The following MAP4 variants were observed in gnomAD, a reference collection of about 807,000 sequenced individuals.
MAP4 encodes the protein microtubule associated protein 4, also known as microtubule-associated protein 4.
MAP4 carries 76 observed loss-of-function variants against 170.2 expected under a neutral mutation model. That is an observed-to-expected ratio of 0.45 (90% CI 0.37 to 0.54). MAP4 has a LOEUF of 0.54. Ranked by LOEUF, MAP4 falls within the 20% of genes least tolerant of loss-of-function variation. The pLI is 0.00. For missense variants in MAP4, 2,506 were observed against 2,748.0 expected (o/e 0.91, Z 1.97); for synonymous variants, 909 against 994.5 (o/e 0.91, Z 1.62).
intron 1 of MAP4, among the ~76,000 whole-genome samples, chr3:48,062,037 G>A (rs1035925073): frequency 2.6e-5 from 4 of 152,230 alleles, no homozygotes; most frequent in African/African-American, 4.8e-5. Flanking sequence ...TGATGAGGAT[G>A]GCGGTTTTGT....
At chr3:48,071,260 G>A (rs1344866867) in intron 1 of MAP4, among the ~76,000 whole-genome samples, 3 of 151,952 alleles carry the variant, frequency 2.0e-5, no homozygotes, top group Non-Finnish European at 4.4e-5. Context: ...GAAATCTGAG[G>A]GCCAGGCACG....
upstream of MAP4, among the ~76,000 whole-genome samples, chr3:48,019,093 T>G (rs546046171): frequency 1.1e-4 from 17 of 152,206 alleles, no homozygotes; most frequent in Non-Finnish European, 2.5e-4. Flanking sequence ...ATCCCAGAAC[T>G]CTGGGAGGCC....
Position 47,915,970 on chromosome 3 carries a change from A to G in MAP4, c.1857T>C (p.Pro619=). The G allele has an allele frequency of 6.2e-7, 1 of 1,612,256 alleles. No individual in the cohort carries two copies. The highest frequency in any genetic ancestry group is 8.5e-7 in the Non-Finnish European group (1 of 1,179,034). Residue 619 remains proline, a synonymous_variant, in exon 7 of 21, where the codon CCT becomes CCC. Transcript: ENST00000683076. Reference sequence around the variant, plus strand: ...ACGTACCTGGTGAAATCATGAAAGTAGGTGCAGCTGACTGCCCCACATCCT... The same window carrying G: ...ACGTACCTGGTGAAATCATGAAAGTGGGTGCAGCTGACTGCCCCACATCCT... ...SLQDVGQSAA[P]TFMISPETVT...
At chr3:48,066,848 T>C (rs2100138515) in intron 1 of MAP4, among the ~76,000 whole-genome samples, 1 of 125,878 alleles carries the variant, frequency 7.9e-6, no homozygotes, top group East Asian at 2.3e-4. Context: ...TTTTTTTTTT[T>C]TTTTTTTTTT....
At chr3:48,012,916 G>A (rs529750736) in intron 1 of MAP4, among the ~76,000 whole-genome samples, 54 of 151,458 alleles carry the variant, frequency 3.6e-4, no homozygotes, top group Admixed American at 1.9e-3. Flanking sequence ...CCCCCTTATG[G>A]AAAATGATCC....
chr3:47,899,461 C>G (rs1358289087), intron 10 of MAP4, among the ~76,000 whole-genome samples: 2 of 152,172 alleles, frequency 1.3e-5, no homozygotes, highest in Admixed American at 1.3e-4. Context: ...GGTCCTATTC[C>G]TACTCACTCA....
At chr3:47,914,588 A>T (rs2100037612) in intron 8 of MAP4, among the ~76,000 whole-genome samples, 1 of 151,738 alleles carries the variant, frequency 6.6e-6, no homozygotes, top group Non-Finnish European at 1.5e-5. Flanking sequence ...CAAAAAAAAC[A>T]GTGGAGAAAA....
At chr3:47,982,873 A>G (rs1196924417) in intron 2 of MAP4, among the ~76,000 whole-genome samples, 4 of 152,190 alleles carry the variant, frequency 2.6e-5, no homozygotes, top group Non-Finnish European at 5.9e-5. Context: ...GGAAATAAAT[A>G]AGATTACATG....
At chr3:47,973,663 G>T (rs2100080158) in intron 3 of MAP4, 1 of 985,236 alleles carries the variant, frequency 1.0e-6, no homozygotes, top group Admixed American at 6.1e-5. Flanking sequence ...GTACACAACG[G>T]AAAGTCATAC....
chr3:47,893,094 G>A (rs2100024937), intron 10 of MAP4, among the ~76,000 whole-genome samples: 1 of 150,920 alleles, frequency 6.6e-6, no homozygotes, highest in Non-Finnish European at 1.5e-5. Flanking sequence ...CTCAGAGGAA[G>A]AGTGGGTTTG....
rs1450563059 is a variant in MAP4 at position 47,916,441 on chromosome 3, C to G, written c.1386G>C (p.Lys462Asn). Residue 462 changes from lysine to asparagine, a missense_variant, in exon 7 of 21, where the codon AAG becomes AAC. Lys to Asn is a moderately conservative substitution (Grantham distance 94, BLOSUM62 0). Coordinates refer to ENST00000683076, the MANE Select transcript of MAP4 (RefSeq NM_001385682.1). ...LPPETNVILT[K>N]DKALPLEAEV... ...CTGCTTCTAAAGGTAGTGCTTTATC[C>G]TTGGTCAAGATCACGTTGGTTTCCG... 1 of 1,614,032 alleles carries G rather than the reference C, an allele frequency of 6.2e-7. No homozygotes were observed. Among genetic ancestry groups the G allele is most frequent in the Non-Finnish European group, 8.5e-7 (1 of 1,180,038 alleles).
chr3:48,000,221 C>CAA (rs530513032), intron 1 of MAP4, among the ~76,000 whole-genome samples: 11,835 of 79,296 alleles, frequency 0.15, 2,040 homozygotes, highest in East Asian at 0.24. Context: ...ACTCCCCCAT[C>CAA]AAAAAAAAAA....
chr3:47,896,254 G>A (rs1295221467), intron 10 of MAP4, among the ~76,000 whole-genome samples: 2 of 152,232 alleles, frequency 1.3e-5, no homozygotes, highest in African/African-American at 4.8e-5. Context: ...AGAAGGCCGG[G>A]CGCGGTGGCT....
chr3:47,885,797 C>T (rs1234856469), intron 10 of MAP4, among the ~76,000 whole-genome samples: 3 of 150,398 alleles, frequency 2.0e-5, no homozygotes, highest in Non-Finnish European at 4.4e-5. Context: ...GGCGCCATCT[C>T]GGCTCACTGC....
At chr3:47,972,944 T>TA in intron 3 of MAP4, 1 of 836,078 alleles carries the variant, frequency 1.2e-6, no homozygotes, top group Non-Finnish European at 1.4e-6. Flanking sequence ...GACAAAAACT[T>TA]AAAAGTCCAT....
chr3:47,862,720 G>A (rs1017841464), intron 17 of MAP4, among the ~76,000 whole-genome samples: 4 of 151,896 alleles, frequency 2.6e-5, no homozygotes, highest in Admixed American at 2.0e-4. Flanking sequence ...CTCATGATCC[G>A]CCTGCCTCAG....
At chr3:47,931,319 T>A (rs555582870) in intron 3 of MAP4, among the ~76,000 whole-genome samples, 1 of 152,278 alleles carries the variant, frequency 6.6e-6, no homozygotes, top group Non-Finnish European at 1.5e-5. Flanking sequence ...AAGTCGAGGC[T>A]GCAGTCACCT....
At chr3:47,967,048 C>A (rs546518307) in intron 3 of MAP4, among the ~76,000 whole-genome samples, 29 of 152,282 alleles carry the variant, frequency 1.9e-4, no homozygotes, top group Admixed American at 1.2e-3. Context: ...TTTAAAAACA[C>A]ATTTAGGGCC....
rs1301626969 is a variant in MAP4, at chr3:47,917,180, T to C, written c.653-6A>G. The stretch of plus-strand genomic sequence containing the variant: ...CTTGGCTAGCTCTAAGGGAACTAAA[T>C]TGGAAATTTAGGACACATCATTGTC... On this transcript the variant is annotated splice_region_variant and splice_polypyrimidine_tract_variant and intron_variant, in intron 6 of 20. Transcript: ENST00000683076. The C allele has an allele frequency of 6.2e-7, 1 of 1,608,256 alleles. No homozygotes were observed. Among genetic ancestry groups the C allele is most frequent in the African/African-American group, 1.3e-5 (1 of 74,574 alleles).
Sources: gnomAD v4.1 joint callset for allele counts (sites outside exome capture counted in the v4.1 genomes callset) on GRCh38, gnomAD v4.1.1 for gene constraint, MANE v1.5 for transcripts, NCBI Gene and HGNC (gene_info 2026-07-23, HGNC 2026-07-21) for gene names.